The following NRG3 variants were observed in gnomAD, a reference collection of about 807,000 sequenced individuals.
NRG3 encodes the protein neuregulin 3.
A neutral mutation model predicts 66.9 loss-of-function variants in NRG3; 31 were observed. The ratio of observed to expected loss-of-function variants is 0.46; its 90% confidence interval spans 0.35 to 0.63. The LOEUF (loss-of-function observed/expected upper bound fraction) is 0.63. Ranked by LOEUF, NRG3 falls within the 20% of genes least tolerant of loss-of-function variation. The pLI is 0.00. For synonymous variants in NRG3, 393 were observed against 359.4 expected, an observed-to-expected ratio of 1.09 and a Z score of -1.06; for missense variants, 910 against 878.9, an observed-to-expected ratio of 1.04 and a Z score of -0.45.
intron 3 of NRG3, among the ~76,000 whole-genome samples, chr10:82,828,572 A>T (rs1293490050): frequency 6.6e-6 from 1 of 152,200 alleles, no homozygotes; most frequent in Non-Finnish European, 1.5e-5. Context: ...GGATAAACAT[A>T]GTGCTACCCT....
intron 3 of NRG3, among the ~76,000 whole-genome samples, chr10:82,772,838 TG>T (rs1565299284): frequency 6.6e-6 from 1 of 151,002 alleles, no homozygotes; most frequent in East Asian, 2.0e-4. Context: ...CCCAAGTAGG[TG>T]GGGGAACAAA....
chr10:82,376,305 G>T (rs925456601), intron 2 of NRG3, among the ~76,000 whole-genome samples: 1 of 152,162 alleles, frequency 6.6e-6, no homozygotes, highest in Non-Finnish European at 1.5e-5. Flanking sequence ...TGGGACTAAG[G>T]CATTTGTCTT....
intron 1 of NRG3, among the ~76,000 whole-genome samples, chr10:82,298,569 T>C (rs1322367490): frequency 6.6e-6 from 1 of 152,128 alleles, no homozygotes; most frequent in Non-Finnish European, 1.5e-5. Context: ...TCCATTGAGA[T>C]GGAATATAAA....
chr10:82,798,779 C>T (rs113663889), intron 3 of NRG3, among the ~76,000 whole-genome samples: 4,615 of 152,212 alleles, frequency 0.03, 199 homozygotes, highest in African/African-American at 0.1. Context: ...TATAGAGAGA[C>T]GGTCAGATTT....
chr10:82,561,800 C>T (rs898420568), intron 2 of NRG3, among the ~76,000 whole-genome samples: 9 of 152,108 alleles, frequency 5.9e-5, no homozygotes, highest in African/African-American at 1.7e-4. Context: ...TGTAAAATAA[C>T]CTTAACTGTA....
chr10:82,650,981 A>G lies in NRG3; in HGVS notation c.954-87596A>G, dbSNP rs780651921. On this transcript the variant is annotated intron_variant, in intron 2 of 8. Coordinates refer to ENST00000372141, the MANE Select transcript of NRG3 (RefSeq NM_001010848.4). ...GCTTTCAGACACTTAACACATTTAAACAGAGAAGCTTTAGCTCAAGTTTGC... is the reference window on the plus strand; with the variant it reads ...GCTTTCAGACACTTAACACATTTAAGCAGAGAAGCTTTAGCTCAAGTTTGC... Among the ~76,000 whole-genome samples, 5 of 152,198 alleles carry G rather than the reference A, an allele frequency of 3.3e-5. 1 individual carries two copies. Among genetic ancestry groups the G allele is most frequent in the Non-Finnish European group, 7.3e-5 (5 of 68,042 alleles).
At chr10:82,576,900 T>G (rs1422334931) in intron 2 of NRG3, among the ~76,000 whole-genome samples, 1 of 151,788 alleles carries the variant, frequency 6.6e-6, no homozygotes, top group African/African-American at 2.4e-5. Flanking sequence ...GCTCAGGAAT[T>G]TGCTCATCAT....
At chr10:82,202,425 C>CA (rs901031665) in intron 1 of NRG3, among the ~76,000 whole-genome samples, 328 of 151,754 alleles carry the variant, frequency 2.2e-3, no homozygotes, top group African/African-American at 7.3e-3. Flanking sequence ...AAACTGAAGG[C>CA]AAAAAAAATC....
At chr10:82,244,363 A>G (rs2077139841) in intron 1 of NRG3, among the ~76,000 whole-genome samples, 1 of 152,198 alleles carries the variant, frequency 6.6e-6, no homozygotes, top group South Asian at 2.1e-4. Context: ...AGAGAAATCT[A>G]GAATTTAGAA....
chr10:82,056,625 C>G (rs1236851799), intron 1 of NRG3, among the ~76,000 whole-genome samples: 1 of 152,150 alleles, frequency 6.6e-6, no homozygotes, highest in Non-Finnish European at 1.5e-5. Context: ...CTATGACATT[C>G]CATCTGGGAT....
At chr10:82,142,802 C>CT (rs1380206397) in intron 1 of NRG3, among the ~76,000 whole-genome samples, 9 of 133,714 alleles carry the variant, frequency 6.7e-5, no homozygotes, top group African/African-American at 2.2e-4. Context: ...GAGCAAGACT[C>CT]TATCTATCTC....
chr10:82,586,212 C>T (rs2046656174), intron 2 of NRG3, among the ~76,000 whole-genome samples: 1 of 148,086 alleles, frequency 6.8e-6, no homozygotes. Flanking sequence ...ACTTGTACCC[C>T]TAAATCTAAA....
intron 3 of NRG3, among the ~76,000 whole-genome samples, chr10:82,852,040 A>G (rs965969298): frequency 5.3e-5 from 8 of 152,154 alleles, no homozygotes; most frequent in African/African-American, 1.9e-4. Context: ...ACCAGACTGC[A>G]TATGAGCAAG....
chr10:82,782,144 T>C (rs1591507243), intron 3 of NRG3, among the ~76,000 whole-genome samples: 1 of 152,202 alleles, frequency 6.6e-6, no homozygotes, highest in African/African-American at 2.4e-5. Flanking sequence ...AAAATTCATG[T>C]GTTGGTAACT....
At chr10:82,872,487 C>T (rs1564588601) in intron 4 of NRG3, among the ~76,000 whole-genome samples, 1 of 152,046 alleles carries the variant, frequency 6.6e-6, no homozygotes, top group East Asian at 1.9e-4. Context: ...CAGAATACTT[C>T]ATACAGTTTA....
At chr10:82,542,239 C>T (rs747098780) in intron 2 of NRG3, among the ~76,000 whole-genome samples, 9 of 151,966 alleles carry the variant, frequency 5.9e-5, no homozygotes, top group Non-Finnish European at 1.2e-4. Flanking sequence ...CATGTCCCTG[C>T]AAAGGAACCA....
intron 1 of NRG3, among the ~76,000 whole-genome samples, chr10:81,936,440 G>A (rs998552988): frequency 5.3e-5 from 8 of 152,218 alleles, no homozygotes; most frequent in Middle Eastern, 3.4e-3. Flanking sequence ...AGCATGATCA[G>A]CTTGGTGTTT....
intron 1 of NRG3, among the ~76,000 whole-genome samples, chr10:82,028,082 T>C (rs1444223280): frequency 6.6e-6 from 1 of 152,122 alleles, no homozygotes; most frequent in Non-Finnish European, 1.5e-5. Flanking sequence ...GTAAGTAGAA[T>C]AGTAGGAAGT....
chr10:82,417,933 T>C (rs2088700333), intron 2 of NRG3, among the ~76,000 whole-genome samples: 1 of 152,052 alleles, frequency 6.6e-6, no homozygotes, highest in South Asian at 2.1e-4. Context: ...GCTCAATGAG[T>C]GATGATGGTA....
Sources: allele counts gnomAD v4.1 joint callset (sites outside exome capture counted in the v4.1 genomes callset), GRCh38; gene constraint gnomAD v4.1.1; transcripts MANE v1.5; gene names NCBI Gene and HGNC (gene_info 2026-07-23, HGNC 2026-07-21).